Variants in ITCH observed in about 807,000 individuals in gnomAD.
The protein encoded by ITCH is E3 ubiquitin-protein ligase Itchy homolog.
Under a neutral mutation model 126.8 loss-of-function variants are expected in ITCH, and 28 were observed. That is an observed-to-expected ratio of 0.22 (90% confidence interval 0.16 to 0.30). The LOEUF is 0.30. Ranked by LOEUF, ITCH falls within the 10% of genes least tolerant of loss-of-function variation. The pLI, the probability that ITCH is intolerant of heterozygous loss-of-function variation, is 1.00. For missense variants in ITCH, 631 were observed against 1,032.4 expected (o/e 0.61, Z 5.33); for synonymous variants, 342 against 340.0 (o/e 1.01, Z -0.06).
At chr20:34,423,916 T>TA (rs373169645) in intron 6 of ITCH, among the ~76,000 whole-genome samples, 1 of 152,190 alleles carries the variant, frequency 6.6e-6, no homozygotes, top group Non-Finnish European at 1.5e-5. Context: ...CCAACACTGT[T>TA]ACAGTAAAAA....
At chr20:34,440,543 G>A (rs1365924173) in intron 9 of ITCH, among the ~76,000 whole-genome samples, 199 bp downstream of exon 9, 2 of 151,664 alleles carry the variant, frequency 1.3e-5, no homozygotes, top group African/African-American at 4.8e-5. Context: ...TGCGACCTCC[G>A]CCCCCTGGGT....
At chr20:34,467,678 A>ATTTTTTTTTTTTT (rs147009659) in intron 14 of ITCH, among the ~76,000 whole-genome samples, 1 of 98,054 alleles carries the variant, frequency 1.0e-5, no homozygotes, top group African/African-American at 3.9e-5. Context: ...TTTCTTTTTC[A>ATTTTTTTTTTTTT]TTTTTTTTTT....
intron 6 of ITCH, 98 bp downstream of exon 6, chr20:34,413,977 T>G (rs1299506798): frequency 5.9e-5 from 66 of 1,111,278 alleles, no homozygotes; most frequent in Non-Finnish European, 8.1e-5. Flanking sequence ...TTTTTTCAGA[T>G]TAATAAAATG....
chr20:34,495,294 AAT>A lies in ITCH; in HGVS notation c.2416+2719_2416+2720del, dbSNP rs56706640. Among the ~76,000 whole-genome samples, 1,003 of 120,406 alleles carry A rather than the reference AAT, an allele frequency of 8.3e-3. 9 individuals carry two copies. The highest frequency in any genetic ancestry group is 0.029 in the African/African-American group (912 of 31,876). 79.0% of individuals were successfully genotyped at this position (120,406 alleles called of 152,430 possible). A position where few individuals can be genotyped will look rare whatever the true frequency, so the allele number is the denominator to read the frequency against. ...AATAAATAAATAAATAAATAAATAAAATATATATATATATATATATATACACA... is the reference window on the plus strand; with the variant it reads ...AATAAATAAATAAATAAATAAATAAAATATATATATATATATATATACACA... On this transcript the variant is annotated intron_variant, in intron 23 of 24. Coordinates refer to ENST00000374864, the MANE Select transcript of ITCH (RefSeq NM_031483.7).
At chr20:34,402,020 G>A in intron 3 of ITCH, 1 of 595,230 alleles carries the variant, frequency 1.7e-6, no homozygotes, top group Non-Finnish European at 3.0e-6. Context: ...AGTACATGTG[G>A]GTAGGTGCAG....
chr20:34,372,530 G>A (rs1461293045), intron 2 of ITCH, among the ~76,000 whole-genome samples: 2 of 150,762 alleles, frequency 1.3e-5, no homozygotes, highest in Non-Finnish European at 3.0e-5. Flanking sequence ...ACAGGCACCC[G>A]CCACCATGCC....
At chr20:34,383,250 C>T (rs542213538) in intron 2 of ITCH, among the ~76,000 whole-genome samples, 16 of 151,786 alleles carry the variant, frequency 1.1e-4, no homozygotes, top group Non-Finnish European at 1.9e-4. Context: ...TGCTATGTTG[C>T]CCAGGCTGGT....
chr20:34,375,141 A>G (rs1298420743), intron 2 of ITCH, among the ~76,000 whole-genome samples: 1 of 150,204 alleles, frequency 6.7e-6, no homozygotes. Flanking sequence ...TTCCGGGTTC[A>G]AGCAATTCTC....
chr20:34,385,427 A>G (rs183074649), intron 2 of ITCH, among the ~76,000 whole-genome samples: 116 of 152,132 alleles, frequency 7.6e-4, no homozygotes, highest in Admixed American at 1.3e-3. Context: ...ATAATTTCAC[A>G]CAAGCATTGT....
At chr20:34,447,065 A>G (rs1296318364) in intron 11 of ITCH, among the ~76,000 whole-genome samples, 1 of 152,168 alleles carries the variant, frequency 6.6e-6, no homozygotes, top group South Asian at 2.1e-4. Flanking sequence ...GCATTACACA[A>G]TCTTTCAAAG....
chr20:34,402,761 C>T (rs2038931554), intron 3 of ITCH: 1 of 285,348 alleles, frequency 3.5e-6, no homozygotes, highest in Non-Finnish European at 7.1e-6. Context: ...GCTTCTCCAC[C>T]GGGTTGTTGG....
chr20:34,438,447 C>A (rs375783305), intron 7 of ITCH, 27 bp from the exon 8 acceptor site: 2 of 1,612,308 alleles, frequency 1.2e-6, no homozygotes, highest in Admixed American at 3.3e-5. Context: ...TCCCTCTCCC[C>A]CTTCCTTTTC....
intron 15 of ITCH, among the ~76,000 whole-genome samples, chr20:34,470,520 CT>C (rs1987521351): frequency 6.6e-6 from 1 of 151,932 alleles, no homozygotes; most frequent in Admixed American, 6.6e-5. Context: ...GTAGCCATTA[CT>C]TTCAGATTGC....
intron 3 of ITCH, among the ~76,000 whole-genome samples, chr20:34,405,165 G>T (rs899119422): frequency 9.3e-6 from 1 of 107,006 alleles, no homozygotes; most frequent in East Asian, 3.0e-4. Context: ...AAAAAAAAAA[G>T]GTTTCAGTGG....
chr20:34,475,815 A>ATT (rs1988163113), intron 16 of ITCH: 1 of 677,148 alleles, frequency 1.5e-6, no homozygotes, highest in Admixed American at 2.4e-5. Flanking sequence ...TTAAAATAGT[A>ATT]AAGCTAGTCA....
chr20:34,432,572 C>G (rs1982453907), intron 7 of ITCH, among the ~76,000 whole-genome samples: 1 of 152,102 alleles, frequency 6.6e-6, no homozygotes, highest in South Asian at 2.1e-4. Context: ...GATTTTAAAA[C>G]TTTATGGTGA....
intron 10 of ITCH, among the ~76,000 whole-genome samples, chr20:34,443,587 T>G (rs1328745645): frequency 6.6e-6 from 1 of 152,210 alleles, no homozygotes; most frequent in East Asian, 1.9e-4. Context: ...GGAAAAATAC[T>G]TAACCTTGTT....
At chr20:34,497,240 C>T (rs1323047317) in intron 23 of ITCH, among the ~76,000 whole-genome samples, 1 of 152,138 alleles carries the variant, frequency 6.6e-6, no homozygotes, top group African/African-American at 2.4e-5. Flanking sequence ...TGTGATCTGC[C>T]TGCCTCAGCC....
At chr20:34,423,234 A>G (rs1297630524) in intron 6 of ITCH, among the ~76,000 whole-genome samples, 1 of 152,172 alleles carries the variant, frequency 6.6e-6, no homozygotes, top group African/African-American at 2.4e-5. Context: ...GTGTTTCATT[A>G]GTTTGTTCTC....
Sources: allele counts gnomAD v4.1 joint callset (sites outside exome capture counted in the v4.1 genomes callset), GRCh38; gene constraint gnomAD v4.1.1; transcripts MANE v1.5; gene names NCBI Gene and HGNC (gene_info 2026-07-23, HGNC 2026-07-21).